FAM222B: variants seen among roughly 807,000 people sequenced by gnomAD.
FAM222B encodes family with sequence similarity 222 member B.
FAM222B carries 12 observed loss-of-function variants against 38.0 expected under a neutral mutation model. The ratio of observed to expected loss-of-function variants is 0.32; its 90% CI spans 0.20 to 0.51. The LOEUF (loss-of-function observed/expected upper bound fraction) is 0.51. Among genes scored for constraint, FAM222B ranks in the 20% least tolerant of loss-of-function variants. The pLI is 0.97. For missense variants in FAM222B, 716 were observed against 754.2 expected (o/e 0.95, Z 0.59); for synonymous variants, 329 against 317.2 (o/e 1.04, Z -0.40).
chr17:28,798,514 T>C (rs1186864218), intron 1 of FAM222B, among the ~76,000 whole-genome samples: 1 of 152,228 alleles, frequency 6.6e-6, no homozygotes, highest in Non-Finnish European at 1.5e-5. Context: ...ATGGTTTACC[T>C]GTTAGTTTCA....
chr17:28,757,326 A>G lies in FAM222B; in HGVS notation c.*944T>C, dbSNP rs943024376. On this transcript the variant is annotated 3_prime_UTR_variant, in exon 3 of 3. Transcript: ENST00000581407. ...TTCATACAGAAACGTAACGTTTAAA[A>G]CTTACAGTGTAGAGCAATATTCTTA... is the stretch of plus-strand genomic sequence containing the variant. 3.3e-5 allele frequency: 5 copies of G among 152,556 alleles called. No individual in the cohort carries two copies. Among genetic ancestry groups the G allele is most frequent in the Non-Finnish European group, 7.3e-5 (5 of 68,042 alleles). 9.5% of individuals were successfully genotyped at this position (152,556 alleles called of 1,614,324 possible). A position where few individuals can be genotyped will look rare whatever the true frequency, so the allele number is the denominator to read the frequency against.
intron 1 of FAM222B, among the ~76,000 whole-genome samples, chr17:28,850,535 T>C (rs2039173850): frequency 6.6e-6 from 1 of 152,126 alleles, no homozygotes; most frequent in Non-Finnish European, 1.5e-5. Context: ...CCTGACCTTG[T>C]GATCCGCCCA....
chr17:28,830,417 C>T (rs2072999287), intron 1 of FAM222B, among the ~76,000 whole-genome samples: 1 of 152,066 alleles, frequency 6.6e-6, no homozygotes, highest in South Asian at 2.1e-4. Context: ...GCCTCGGTCT[C>T]CCAAAGTGCT....
At chr17:28,825,963 G>A (rs528189778) in intron 1 of FAM222B, among the ~76,000 whole-genome samples, 1 of 152,076 alleles carries the variant, frequency 6.6e-6, no homozygotes, top group South Asian at 2.1e-4. Flanking sequence ...AAGTAGAGAT[G>A]GGGTTTTGTC....
At chr17:28,790,866 A>G (rs1024960027) in intron 1 of FAM222B, among the ~76,000 whole-genome samples, 1 of 100,222 alleles carries the variant, frequency 1.0e-5, no homozygotes, top group African/African-American at 3.9e-5. Context: ...ACTGTTCTAT[A>G]TATTTCAAAT....
At chr17:28,797,309 T>C (rs2036989399) in intron 1 of FAM222B, among the ~76,000 whole-genome samples, 1 of 152,100 alleles carries the variant, frequency 6.6e-6, no homozygotes, top group South Asian at 2.1e-4. Context: ...TATTGCGATT[T>C]TGAGGTGAGA....
chr17:28,847,968 G>A (rs1403206703), intron 1 of FAM222B, among the ~76,000 whole-genome samples: 1 of 151,874 alleles, frequency 6.6e-6, no homozygotes, highest in Non-Finnish European at 1.5e-5. Flanking sequence ...GTGTAGTGAA[G>A]ATGAAGGAGA....
chr17:28,798,972 G>GT lies in FAM222B; in HGVS notation c.-40-32266dup, dbSNP rs371016664. 2.1e-3 allele frequency among the ~76,000 whole-genome samples: 313 copies of GT among 148,830 alleles called. 6 individuals are homozygous for GT. The highest frequency in any genetic ancestry group is 0.016 in the Admixed American group (236 of 14,842). On this transcript the variant is annotated intron_variant, in intron 1 of 2. Coordinates refer to ENST00000581407, the MANE Select transcript of FAM222B (RefSeq NM_001077498.3). ...AACTTGTTTTCAAGAATGGAATCCTGTTGTTTTTTTTTTCTTTTTTTGGGA... is the reference window on the plus strand; with the variant it reads ...AACTTGTTTTCAAGAATGGAATCCTGTTTGTTTTTTTTTTCTTTTTTTGGGA...
At chr17:28,781,033 T>C (rs1019996609) in intron 1 of FAM222B, among the ~76,000 whole-genome samples, 2 of 151,708 alleles carry the variant, frequency 1.3e-5, no homozygotes, top group Non-Finnish European at 2.9e-5. Context: ...AATTAAGAAA[T>C]GGGAATAGAA....
upstream of FAM222B, among the ~76,000 whole-genome samples, chr17:28,843,144 T>G (rs1439137138): frequency 2.3e-4 from 35 of 151,914 alleles, no homozygotes; most frequent in Admixed American, 1.4e-3. Flanking sequence ...GGGTCTTTTT[T>G]TTTTTTTTTC....
At chr17:28,840,395 T>C (rs529346408) in intron 1 of FAM222B, among the ~76,000 whole-genome samples, 1 of 152,122 alleles carries the variant, frequency 6.6e-6, no homozygotes, top group East Asian at 1.9e-4. Flanking sequence ...AGAACCCATT[T>C]TCTCTTTCCA....
At chr17:28,808,910 AGCAATGCCAAGG>A (rs2037613514) in intron 1 of FAM222B, among the ~76,000 whole-genome samples, 1 of 152,204 alleles carries the variant, frequency 6.6e-6, no homozygotes, top group Non-Finnish European at 1.5e-5. Context: ...CTGAGAATCA[AGCAATGCCAAGG>A]GCCCAATATT....
chr17:28,825,646 T>C (rs998053510), intron 1 of FAM222B, among the ~76,000 whole-genome samples: 3 of 152,140 alleles, frequency 2.0e-5, no homozygotes, highest in Non-Finnish European at 4.4e-5. Context: ...GATCTGCTGA[T>C]CTTCATATAC....
At chr17:28,796,342 A>T (rs1022296235) in intron 1 of FAM222B, among the ~76,000 whole-genome samples, 1 of 152,218 alleles carries the variant, frequency 6.6e-6, no homozygotes, top group Non-Finnish European at 1.5e-5. Context: ...AATTGCTCTC[A>T]TGGTTTCCCC....
At chr17:28,839,437 A>G (rs1307677010) in intron 1 of FAM222B, among the ~76,000 whole-genome samples, 2 of 152,174 alleles carry the variant, frequency 1.3e-5, no homozygotes, top group East Asian at 1.9e-4. Context: ...AGTAGGAAAG[A>G]TAACAGAAGG....
chr17:28,837,598 G>A (rs527967011), intron 1 of FAM222B, among the ~76,000 whole-genome samples: 1 of 151,814 alleles, frequency 6.6e-6, no homozygotes, highest in South Asian at 2.1e-4. Flanking sequence ...AAACAATCGA[G>A]ACCCTGAGAG....
At chr17:28,794,467 G>A (rs949187270) in intron 1 of FAM222B, among the ~76,000 whole-genome samples, 35 of 151,882 alleles carry the variant, frequency 2.3e-4, no homozygotes, top group Non-Finnish European at 4.0e-4. Flanking sequence ...TGATCTGCCC[G>A]CCTCAGCCTC....
intron 1 of FAM222B, among the ~76,000 whole-genome samples, chr17:28,805,652 A>C (rs2037458227): frequency 3.3e-5 from 5 of 149,274 alleles, no homozygotes. Context: ...ACCTGTCTCA[A>C]AAAAAAAAAG....
chr17:28,768,979 T>C (rs1404919937), intron 1 of FAM222B, among the ~76,000 whole-genome samples: 2 of 151,732 alleles, frequency 1.3e-5, no homozygotes, highest in Non-Finnish European at 2.9e-5. Flanking sequence ...TACTGGGAGC[T>C]AAAACTGTGA....
Sources: gnomAD v4.1 joint callset for allele counts (sites outside exome capture counted in the v4.1 genomes callset) on GRCh38, gnomAD v4.1.1 for gene constraint, MANE v1.5 for transcripts, NCBI Gene and HGNC (gene_info 2026-07-23, HGNC 2026-07-21) for gene names.